Variants in KCNN2 observed in about 807,000 individuals in gnomAD.
KCNN2 encodes the protein potassium calcium-activated channel subfamily N member 2.
A neutral mutation model predicts 55.5 loss-of-function variants in KCNN2; 24 were observed. The observed-to-expected ratio is 0.43, with a 90% CI of 0.31 to 0.61. The LOEUF (loss-of-function observed/expected upper bound fraction) is 0.61, where lower values mean the gene tolerates loss of function less well. KCNN2 is among the 20% of genes least tolerant of loss of function. The pLI, the probability that KCNN2 is intolerant of heterozygous loss-of-function variation, is 0.08. For synonymous variants in KCNN2, 431 were observed against 336.1 expected, an observed-to-expected ratio of 1.28 and a Z score of -3.09; for missense variants, 754 against 853.6, an observed-to-expected ratio of 0.88 and a Z score of 1.45.
chr5:114,127,719 G>C (rs966432728), intron 1 of KCNN2, among the ~76,000 whole-genome samples: 5 of 152,138 alleles, frequency 3.3e-5, no homozygotes, highest in Non-Finnish European at 5.9e-5. Context: ...ATGGGTTCTT[G>C]TTTTCTATTG....
intron 1 of KCNN2, among the ~76,000 whole-genome samples, chr5:114,211,016 A>G (rs539337025): frequency 2.9e-4 from 44 of 152,248 alleles, no homozygotes; most frequent in African/African-American, 1.0e-3. Flanking sequence ...ACAAGATACC[A>G]TTTCACACCA....
chr5:114,326,331 T>C (rs1461091789), intron 2 of KCNN2, among the ~76,000 whole-genome samples: 3 of 152,112 alleles, frequency 2.0e-5, no homozygotes, highest in Non-Finnish European at 4.4e-5. Context: ...GGCAGAAGGC[T>C]GAAAGTGGGA....
rs899636837 is a variant in KCNN2 at position 114,432,712 on chromosome 5, C to T, written c.1637+27856C>T. ...GGCGCGAGCGGGAACCGGGGCTGTG[C>T]GCGGCACTTGTGGGCCAGCTGGAGT... On this transcript the variant is annotated intron_variant, in intron 3 of 7. Coordinates refer to ENST00000673685, the MANE Select transcript of KCNN2 (RefSeq NM_021614.4). 6.6e-5 allele frequency among the ~76,000 whole-genome samples: 10 copies of T among 152,288 alleles called. No individual in the cohort carries two copies. The East Asian group carries it at 7.8e-4, about 12-fold the overall frequency.
At chr5:114,433,510 T>G (rs957603765) in intron 3 of KCNN2, 1 of 152,308 alleles carries the variant, frequency 6.6e-6, no homozygotes, top group Non-Finnish European at 1.5e-5. Flanking sequence ...GAGCCAGCAG[T>G]GGCAACCCGC....
intron 2 of KCNN2, among the ~76,000 whole-genome samples, chr5:114,403,494 C>G (rs1277827071): frequency 6.6e-6 from 1 of 152,168 alleles, no homozygotes; most frequent in African/African-American, 2.4e-5. Context: ...AGCATTGAAG[C>G]ATGGCTGGCA....
intron 2 of KCNN2, among the ~76,000 whole-genome samples, chr5:114,266,786 C>A (rs1416973309): frequency 6.6e-6 from 1 of 152,132 alleles, no homozygotes; most frequent in Non-Finnish European, 1.5e-5. Flanking sequence ...TAGCTAATGT[C>A]CCCATCAAAA....
chr5:114,260,973 A>T (rs997775744), intron 2 of KCNN2, among the ~76,000 whole-genome samples: 3 of 151,306 alleles, frequency 2.0e-5, no homozygotes, highest in African/African-American at 7.2e-5. Flanking sequence ...AACATGTGGC[A>T]TAAGTCTACA....
At chr5:114,355,570 T>C (rs1257992824) in intron 2 of KCNN2, among the ~76,000 whole-genome samples, 1 of 152,196 alleles carries the variant, frequency 6.6e-6, no homozygotes, top group African/African-American at 2.4e-5. Context: ...TTTTCTCTCC[T>C]TGTGGCGTGC....
At chr5:114,067,734 C>T (rs1252854776) in intron 1 of KCNN2, among the ~76,000 whole-genome samples, 3 of 152,176 alleles carry the variant, frequency 2.0e-5, no homozygotes, top group Non-Finnish European at 4.4e-5. Flanking sequence ...CCCCACTCCT[C>T]CCACAGGGGT....
intron 1 of KCNN2, among the ~76,000 whole-genome samples, chr5:114,105,257 C>CG (rs1382393590): frequency 6.6e-6 from 1 of 151,918 alleles, no homozygotes; most frequent in Non-Finnish European, 1.5e-5. Context: ...TGTTGAGATC[C>CG]CCATCAATAT....
At chr5:114,158,777 A>T (rs1752697329) in intron 1 of KCNN2, among the ~76,000 whole-genome samples, 1 of 151,868 alleles carries the variant, frequency 6.6e-6, no homozygotes, top group Non-Finnish European at 1.5e-5. Context: ...TGTGAATGGG[A>T]GTTCACTCAT....
At chr5:114,440,024 G>A (rs148656698) in intron 3 of KCNN2, among the ~76,000 whole-genome samples, 1 of 152,196 alleles carries the variant, frequency 6.6e-6, no homozygotes, top group Non-Finnish European at 1.5e-5. Flanking sequence ...AGGTTCAGCT[G>A]GGTTTTTTTT....
At chr5:114,152,477 C>T (rs1228019166) in intron 1 of KCNN2, among the ~76,000 whole-genome samples, 1 of 152,170 alleles carries the variant, frequency 6.6e-6, no homozygotes, top group Non-Finnish European at 1.5e-5. Flanking sequence ...ACTAGGAAGA[C>T]TGTACAATAG....
chr5:114,212,351 T>C (rs1284079328), intron 1 of KCNN2, among the ~76,000 whole-genome samples: 1 of 151,952 alleles, frequency 6.6e-6, no homozygotes, highest in African/African-American at 2.4e-5. Flanking sequence ...GGCAAATCTA[T>C]AGAGATAAAG....
chr5:114,174,670 C>G (rs532312670), intron 1 of KCNN2, among the ~76,000 whole-genome samples: 1 of 152,208 alleles, frequency 6.6e-6, no homozygotes, highest in African/African-American at 2.4e-5. Flanking sequence ...GTTTGGCATA[C>G]CCTTGTAGGT....
chr5:114,362,580 C>CGCGCAGCAGTCG lies in KCNN2; in HGVS notation c.445_456dup (p.Gln149_Ala152dup). 1 of 700,654 alleles carries CGCGCAGCAGTCG rather than the reference C, an allele frequency of 1.4e-6. No homozygotes were observed. Among genetic ancestry groups the CGCGCAGCAGTCG allele is most frequent in the Non-Finnish European group, 2.2e-6 (1 of 445,326 alleles). 43.4% of individuals were successfully genotyped at this position (700,654 alleles called of 1,614,324 possible). A position where few individuals can be genotyped will look rare whatever the true frequency, so the allele number is the denominator to read the frequency against. ...TCCGGCAGCAGTACGCGCAGCAGTC[C>CGCGCAGCAGTCG]GCGCAGCAGTCGGCGTCCGCCTCCC... On this transcript the variant is annotated inframe_insertion, in exon 1 of 8. Transcript: ENST00000673685.
chr5:114,220,038 C>T (rs900728850), intron 1 of KCNN2, among the ~76,000 whole-genome samples: 1 of 151,920 alleles, frequency 6.6e-6, no homozygotes, highest in East Asian at 1.9e-4. Context: ...AGTTTACAGA[C>T]CTTAAGAAAA....
chr5:114,467,807 A>G (rs986996611), intron 4 of KCNN2, among the ~76,000 whole-genome samples: 4 of 152,028 alleles, frequency 2.6e-5, no homozygotes, highest in African/African-American at 9.7e-5. Context: ...ATTTCACCCA[A>G]TTTTTCTAAA....
intron 5 of KCNN2, among the ~76,000 whole-genome samples, chr5:114,481,871 T>C (rs929832714): frequency 1.3e-5 from 2 of 152,150 alleles, no homozygotes; most frequent in Admixed American, 6.5e-5. Flanking sequence ...TTACAGCTTA[T>C]ACAAAATTAA....
Sources: gnomAD v4.1 joint callset for allele counts (sites outside exome capture counted in the v4.1 genomes callset) on GRCh38, gnomAD v4.1.1 for gene constraint, MANE v1.5 for transcripts, NCBI Gene and HGNC (gene_info 2026-07-23, HGNC 2026-07-21) for gene names.